Variants in MAN1A2 observed in about 807,000 individuals in gnomAD.
MAN1A2 encodes the protein mannosyl-oligosaccharide 1,2-alpha-mannosidase IB.
Under a neutral mutation model 75.7 loss-of-function variants are expected in MAN1A2, and 26 were observed. That is an observed-to-expected ratio of 0.34 (90% confidence interval 0.25 to 0.48). The LOEUF (loss-of-function observed/expected upper bound fraction) is 0.48, where lower values mean the gene tolerates loss of function less well. Ranked by LOEUF, MAN1A2 falls within the 20% of genes least tolerant of loss-of-function variation. The probability of loss-of-function intolerance (pLI) is 0.99; values close to 1 mark genes in which losing one functional copy is unlikely to be tolerated. For synonymous variants in MAN1A2, 247 were observed against 264.6 expected (o/e 0.93, Z 0.65); for missense variants, 562 against 775.5 (o/e 0.72, Z 3.27).
At chr1:117,378,050 C>T (rs1253763880) in intron 1 of MAN1A2, among the ~76,000 whole-genome samples, 4 of 152,010 alleles carry the variant, frequency 2.6e-5, no homozygotes, top group African/African-American at 7.3e-5. Context: ...TGCAGTGAGC[C>T]GAGATCGCGC....
chr1:117,526,880 C>CTCTCTCTCTCTATATATATATA lies in MAN1A2; in HGVS notation c.*3924_*3925insCTCTCTCTCTATATATATATAT. On this transcript the variant is annotated 3_prime_UTR_variant, in exon 13 of 13. Transcript: ENST00000356554. ...TCTCTCTCTCTCTCTCTCTCTCTCT[C>CTCTCTCTCTCTATATATATATA]TATATATATATATATATATATATAT... The CTCTCTCTCTCTATATATATATA allele has an allele frequency of 2.6e-4, 14 of 54,514 alleles. No individual in the cohort carries two copies. The highest frequency in any genetic ancestry group is 4.8e-4 in the Admixed American group (2 of 4,176). The allele number at this position is 54,514 out of a possible 1,614,324, so 3.4% of individuals were successfully genotyped here.
chr1:117,450,860 A>G (rs990821748), intron 6 of MAN1A2, among the ~76,000 whole-genome samples: 1 of 152,182 alleles, frequency 6.6e-6, no homozygotes, highest in Non-Finnish European at 1.5e-5. Context: ...CTGTCCAGGT[A>G]GAAGTTTGCT....
intron 8 of MAN1A2, 55 bp downstream of exon 8, chr1:117,466,482 C>G (rs1451760229): frequency 8.3e-7 from 1 of 1,199,048 alleles, no homozygotes; most frequent in African/African-American, 1.6e-5. Flanking sequence ...TCTGAAAACT[C>G]TTTGCTTGAT....
At chr1:117,436,290 G>A (rs947662180) in intron 5 of MAN1A2, among the ~76,000 whole-genome samples, 6 of 152,168 alleles carry the variant, frequency 3.9e-5, no homozygotes, top group Non-Finnish European at 5.9e-5. Context: ...GTAAAACTTA[G>A]AAACCTTAAG....
chr1:117,369,324 T>A (rs564713864), intron 1 of MAN1A2, among the ~76,000 whole-genome samples: 2 of 152,342 alleles, frequency 1.3e-5, no homozygotes, highest in South Asian at 4.1e-4. Context: ...ACAATTTTTA[T>A]AATTTTTATA....
chr1:117,376,894 A>G (rs189467077), intron 1 of MAN1A2, among the ~76,000 whole-genome samples: 4 of 152,372 alleles, frequency 2.6e-5, no homozygotes, highest in Admixed American at 1.3e-4. Context: ...ATTAGGTATT[A>G]TAAGTAAGCT....
At chr1:117,511,667 C>T (rs1005292031) in intron 12 of MAN1A2, among the ~76,000 whole-genome samples, 1 of 152,050 alleles carries the variant, frequency 6.6e-6, no homozygotes, top group Non-Finnish European at 1.5e-5. Flanking sequence ...CATCTTTACT[C>T]TGATCCCTCT....
chr1:117,463,882 A>G (rs548826020), intron 7 of MAN1A2, among the ~76,000 whole-genome samples: 7 of 152,316 alleles, frequency 4.6e-5, no homozygotes, highest in Admixed American at 1.3e-4. Context: ...GGAAAACAAC[A>G]AAGAACTCGT....
intron 12 of MAN1A2, among the ~76,000 whole-genome samples, chr1:117,507,576 A>C (rs1651410771): frequency 6.6e-6 from 1 of 151,760 alleles, no homozygotes; most frequent in Non-Finnish European, 1.5e-5. Flanking sequence ...AGATTTCTTC[A>C]AGATTAAATG....
At chr1:117,377,563 T>TC (rs1485525041) in intron 1 of MAN1A2, among the ~76,000 whole-genome samples, 2 of 152,200 alleles carry the variant, frequency 1.3e-5, no homozygotes, top group Non-Finnish European at 2.9e-5. Context: ...AAAGAAGTGT[T>TC]CAAGAATGTC....
intron 5 of MAN1A2, among the ~76,000 whole-genome samples, chr1:117,426,720 T>A (rs773623822): frequency 6.6e-6 from 1 of 152,214 alleles, no homozygotes; most frequent in Non-Finnish European, 1.5e-5. Context: ...GAATACTTAT[T>A]GCTTTCATAC....
intron 5 of MAN1A2, among the ~76,000 whole-genome samples, chr1:117,424,257 C>A (rs1440032716): frequency 1.3e-5 from 2 of 152,076 alleles, no homozygotes; most frequent in Non-Finnish European, 2.9e-5. Flanking sequence ...CTTTTTCTTG[C>A]CTTACTGCAT....
At chr1:117,508,667 A>G (rs1367205832) in intron 12 of MAN1A2, among the ~76,000 whole-genome samples, 1 of 151,726 alleles carries the variant, frequency 6.6e-6, no homozygotes, top group African/African-American at 2.4e-5. Flanking sequence ...TGAATGGTTA[A>G]GTAAATTATG....
intron 6 of MAN1A2, 91 bp downstream of exon 6, chr1:117,442,416 T>A (rs949601265): frequency 4.0e-6 from 3 of 748,952 alleles, no homozygotes; most frequent in Non-Finnish European, 4.6e-6. Context: ...ACATTTTTTT[T>A]AAAGACATAT....
chr1:117,451,947 C>T (rs760055834), intron 6 of MAN1A2, among the ~76,000 whole-genome samples: 12 of 151,974 alleles, frequency 7.9e-5, no homozygotes, highest in Admixed American at 3.3e-4. Flanking sequence ...GAAATTGTGC[C>T]ACTGCACTCC....
intron 6 of MAN1A2, among the ~76,000 whole-genome samples, chr1:117,450,338 C>G (rs1057361820): frequency 6.6e-6 from 1 of 152,156 alleles, no homozygotes; most frequent in Non-Finnish European, 1.5e-5. Flanking sequence ...AATTTCTAAG[C>G]AGCAAAGCAT....
chr1:117,441,067 G>C (rs917079511), intron 5 of MAN1A2, among the ~76,000 whole-genome samples: 21 of 152,138 alleles, frequency 1.4e-4, no homozygotes, highest in African/African-American at 5.1e-4. Context: ...AATTGTAGAT[G>C]TGTGAATATA....
At chr1:117,450,680 C>T in intron 6 of MAN1A2, among the ~76,000 whole-genome samples, 2 of 152,202 alleles carry the variant, frequency 1.3e-5, no homozygotes, top group East Asian at 3.9e-4. Flanking sequence ...CCCTGTATCC[C>T]AGCCTCTCTA....
Position 117,526,880 on chromosome 1 carries a change from C to CTCTCTCTCTCTATATATATATATATATA in MAN1A2, c.*3924_*3925insCTCTCTCTCTATATATATATATATATAT. 7 of 54,512 alleles carry CTCTCTCTCTCTATATATATATATATATA rather than the reference C, an allele frequency of 1.3e-4. No homozygotes were observed. Among genetic ancestry groups the CTCTCTCTCTCTATATATATATATATATA allele is most frequent in the Non-Finnish European group, 2.1e-4 (6 of 29,154 alleles). 3.4% of individuals were successfully genotyped at this position (54,512 alleles called of 1,614,324 possible). On this transcript the variant is annotated 3_prime_UTR_variant, in exon 13 of 13. Transcript: ENST00000356554. ...TCTCTCTCTCTCTCTCTCTCTCTCT[C>CTCTCTCTCTCTATATATATATATATATA]TATATATATATATATATATATATAT...
Sources: gnomAD v4.1 joint callset for allele counts (sites outside exome capture counted in the v4.1 genomes callset) on GRCh38, gnomAD v4.1.1 for gene constraint, MANE v1.5 for transcripts, NCBI Gene and HGNC (gene_info 2026-07-23, HGNC 2026-07-21) for gene names.